NMT1: variants seen among roughly 807,000 people sequenced by gnomAD.
NMT1 encodes glycylpeptide N-tetradecanoyltransferase 1.
NMT1 carries 12 observed loss-of-function variants against 63.4 expected under a neutral mutation model. The ratio of observed to expected loss-of-function variants is 0.19; its 90% CI spans 0.12 to 0.31. NMT1 has a LOEUF of 0.31. Among genes scored for constraint, NMT1 ranks in the 10% least tolerant of loss-of-function variants. The pLI, the probability that NMT1 is intolerant of heterozygous loss-of-function variation, is 1.00. For synonymous variants in NMT1, 228 were observed against 234.3 expected, an observed-to-expected ratio of 0.97 and a Z score of 0.25; for missense variants, 432 against 634.6, an observed-to-expected ratio of 0.68 and a Z score of 3.43.
At position 45,081,736 on chromosome 17, in the gene NMT1, A is replaced by G; in HGVS notation, c.224A>G (p.Gln75Arg). 1 of 1,575,530 alleles carries G rather than the reference A, an allele frequency of 6.3e-7. No individual in the cohort carries two copies. Among genetic ancestry groups the G allele is most frequent in the African/African-American group, 1.4e-5 (1 of 73,530 alleles). ...AAAGGCAGTGAGACAGATTCAGCCC[A>G]GGATCAGCCTGTGAAGGTAACAAGG... ...KEKGSETDSA[Q>R]DQPVKMNSLP... The change falls in exon 2 of 12, where the codon CAG (glutamine) becomes CGG (arginine). Residue 75 changes from glutamine to arginine, a missense_variant. Physicochemically the swap from Gln to Arg is conservative, Grantham distance 43. Transcript: ENST00000258960.
intron 1 of NMT1, among the ~76,000 whole-genome samples, chr17:45,069,150 G>A (rs542194595): frequency 8.4e-4 from 127 of 150,628 alleles, no homozygotes; most frequent in African/African-American, 2.6e-3. Context: ...TAGTAGAGAC[G>A]GGGTTTCACC....
intron 3 of NMT1, 100 bp downstream of exon 3, chr17:45,086,752 G>C: frequency 7.7e-7 from 1 of 1,290,796 alleles, no homozygotes; most frequent in Non-Finnish European, 1.1e-6. Context: ...AGGGAGGGCA[G>C]TAGAGTCCTG....
chr17:45,090,895 A>G (rs1199763787), intron 3 of NMT1, among the ~76,000 whole-genome samples: 1 of 151,942 alleles, frequency 6.6e-6, no homozygotes, highest in Non-Finnish European at 1.5e-5. Context: ...AGCAGGAGGT[A>G]CTCAAAGGCC....
At position 45,086,508 on chromosome 17, in the gene NMT1, A is replaced by G. The variant is rs767459577; in HGVS notation, c.241A>G (p.Met81Val). The G allele has an allele frequency of 5.6e-6, 9 of 1,606,956 alleles. No individual in the cohort carries two copies. In the South Asian group the frequency reaches 8.9e-5, roughly 16 times the overall value. Reference protein sequence around the residue: ...TDSAQDQPVKMNSLPAERIQE... With the variant: ...TDSAQDQPVKVNSLPAERIQE... ...TTCTCCCCAACTTTGTCTTGTCCAGATGAACTCTTTGCCAGCAGAGAGGAT... is the reference window on the plus strand; with the variant it reads ...TTCTCCCCAACTTTGTCTTGTCCAGGTGAACTCTTTGCCAGCAGAGAGGAT... Residue 81 changes from methionine (M) to valine (V), a missense_variant and splice_region_variant, in exon 3 of 12, where the codon ATG (methionine) becomes GTG (valine). This residue lies in a region of NMT1 where 121 missense variants were observed against 103.7 expected (regional missense o/e 1.17). Transcript: ENST00000258960.
rs145414225 is a variant in NMT1, at chr17:45,082,057, G to A, written c.240+305G>A. ...GGAGCTACGTGTGACAGCCCCTGGC[G>A]CCTAGAGCAGTGGTTCTCTGTCTTA... On this transcript the variant is annotated intron_variant, in intron 2 of 11. Coordinates refer to ENST00000258960, the MANE Select transcript of NMT1 (RefSeq NM_021079.5). Among the ~76,000 whole-genome samples the A allele has an allele frequency of 2.7e-3, 414 of 152,244 alleles. 1 individual carries two copies. The highest frequency in any genetic ancestry group is 8.9e-3 in the African/African-American group (369 of 41,534).
At position 45,104,862 on chromosome 17, in the gene NMT1, G is replaced by A. The variant is rs2054192749; in HGVS notation, c.1336G>A (p.Gly446Arg). The A allele has an allele frequency of 1.2e-6, 2 of 1,614,202 alleles. No homozygotes were observed. The highest frequency in any genetic ancestry group is 8.5e-7 in the Non-Finnish European group (1 of 1,180,026). ...SDALVLAKMK[G>R]FDVFNALDLM... The stretch of plus-strand genomic sequence containing the variant: ...GTTTGTCCCTGCTGCTTTGCAGAAA[G>A]GGTTTGATGTGTTCAATGCACTGGA... The change falls in exon 11 of 12, where the codon GGG becomes AGG. Residue 446 changes from glycine (G) to arginine (R), a missense_variant. Gly to Arg is a moderately radical substitution (Grantham distance 125). This residue lies in a region of NMT1 where 295 missense variants were observed against 489.7 expected (regional missense o/e 0.60). Transcript: ENST00000258960. The surrounding 1 kb of genome is among the most constrained non-coding windows in gnomAD (Gnocchi z 4.2).
At chr17:45,062,362 C>T (rs1037714733) in intron 1 of NMT1, among the ~76,000 whole-genome samples, 1 of 152,236 alleles carries the variant, frequency 6.6e-6, no homozygotes, top group African/African-American at 2.4e-5. Context: ...TGTCTCTCCC[C>T]ATCTTCCTGT....
chr17:45,093,914 A>T (rs2054106403), intron 4 of NMT1, 111 bp downstream of exon 4: 1 of 795,848 alleles, frequency 1.3e-6, no homozygotes, highest in African/African-American at 1.7e-5. Flanking sequence ...TGAGCCAAGG[A>T]GGTCTGAACA....
intron 2 of NMT1, among the ~76,000 whole-genome samples, chr17:45,084,861 G>A (rs2054041980): frequency 6.6e-6 from 1 of 152,084 alleles, no homozygotes; most frequent in Non-Finnish European, 1.5e-5. Context: ...GCAAATTGAT[G>A]ATAAATCATT....
intron 1 of NMT1, among the ~76,000 whole-genome samples, chr17:45,064,801 C>T (rs1050618135): frequency 2.0e-5 from 3 of 152,138 alleles, no homozygotes; most frequent in Admixed American, 6.6e-5. Flanking sequence ...CCAGCCTGGG[C>T]GACAGAGCAA....
At chr17:45,088,689 G>A (rs113340666) in intron 3 of NMT1, among the ~76,000 whole-genome samples, 16,515 of 151,956 alleles carry the variant, frequency 0.11, 1,006 homozygotes, top group Middle Eastern at 0.18. Context: ...AGGAGACAGA[G>A]GTTGCAGTAA....
intron 1 of NMT1, among the ~76,000 whole-genome samples, chr17:45,071,735 T>A (rs2053940436): frequency 6.6e-6 from 1 of 152,180 alleles, no homozygotes; most frequent in Non-Finnish European, 1.5e-5. Context: ...TATTTACTTA[T>A]TAGAGATGGG....
intron 1 of NMT1, among the ~76,000 whole-genome samples, chr17:45,065,321 T>G (rs2053894912): frequency 6.6e-6 from 1 of 151,912 alleles, no homozygotes; most frequent in African/African-American, 2.4e-5. Flanking sequence ...CTCACTACAG[T>G]TTTTATGAAA....
chr17:45,098,774 C>T (rs1481486626), intron 7 of NMT1: 1 of 495,930 alleles, frequency 2.0e-6, no homozygotes, highest in Non-Finnish European at 3.6e-6. Context: ...CTGGAGGGCT[C>T]TTGGTGTCTG....
chr17:45,075,686 G>T (rs1420874508), intron 1 of NMT1, among the ~76,000 whole-genome samples: 1 of 150,596 alleles, frequency 6.6e-6, no homozygotes, highest in South Asian at 2.1e-4. Context: ...CAGGAGAATC[G>T]CTGAACCCAG....
chr17:45,084,478 C>T (rs1274966341), intron 2 of NMT1, among the ~76,000 whole-genome samples: 1 of 151,562 alleles, frequency 6.6e-6, no homozygotes, highest in Non-Finnish European at 1.5e-5. Context: ...GGGACTACAG[C>T]CGCCCGTGAC....
intron 4 of NMT1, among the ~76,000 whole-genome samples, chr17:45,094,998 A>C (rs1469999084): frequency 6.6e-6 from 1 of 150,406 alleles, no homozygotes; most frequent in Non-Finnish European, 1.5e-5. Flanking sequence ...TTTTTAGTAG[A>C]GATGGGGTTT....
At chr17:45,102,833 G>A (rs2054176159) in intron 8 of NMT1, 118 bp from the exon 9 acceptor site, 2 of 862,156 alleles carry the variant, frequency 2.3e-6, no homozygotes, top group Non-Finnish European at 1.8e-6. Context: ...TATGCACGGG[G>A]GTGCAGGGAG....
At chr17:45,084,336 C>CTTTTTT (rs59845744) in intron 2 of NMT1, among the ~76,000 whole-genome samples, 1 of 141,198 alleles carries the variant, frequency 7.1e-6, no homozygotes, top group African/African-American at 2.6e-5. Flanking sequence ...GCTTGGTAAA[C>CTTTTTT]TTTTTTTTTT....
Sources: allele counts gnomAD v4.1 joint callset (sites outside exome capture counted in the v4.1 genomes callset), GRCh38; gene constraint gnomAD v4.1.1; regional missense constraint gnomAD v4.1.1; non-coding constraint Gnocchi (gnomAD v3.1); transcripts MANE v1.5; gene names NCBI Gene and HGNC (gene_info 2026-07-23, HGNC 2026-07-21).